MSANTD4: variants seen among roughly 807,000 people sequenced by gnomAD.
MSANTD4 encodes myb/SANT-like DNA-binding domain-containing protein 4.
In MSANTD4, 13 loss-of-function variants were observed where a neutral mutation model predicts 34.3. The observed-to-expected ratio is 0.38, with a 90% CI of 0.25 to 0.60. The LOEUF is 0.60. Ranked by LOEUF, MSANTD4 falls within the 20% of genes least tolerant of loss-of-function variation. MSANTD4 has a pLI of 0.63. For missense variants in MSANTD4, 358 were observed against 401.8 expected, an observed-to-expected ratio of 0.89 and a Z score of 0.93; for synonymous variants, 137 against 145.2, an observed-to-expected ratio of 0.94 and a Z score of 0.41.
At chr11:106,013,811 G>A (rs941699230) in intron 1 of MSANTD4, among the ~76,000 whole-genome samples, 5 of 152,218 alleles carry the variant, frequency 3.3e-5, no homozygotes, top group Non-Finnish European at 7.3e-5. Context: ...GCAGTGAGCC[G>A]AGATTGTGCC....
rs748427473 is a variant in MSANTD4, at chr11:106,009,807, G to A, written c.766C>T (p.Arg256Trp). The A allele has an allele frequency of 6.2e-6, 10 of 1,614,006 alleles. No homozygotes were observed. The highest frequency in any genetic ancestry group is 4.4e-5 in the South Asian group (4 of 91,088). Residue 256 changes from arginine to tryptophan, a missense_variant, in exon 3 of 3, where the codon CGG becomes TGG. Around this residue, in one of 2 missense-constraint regions of MSANTD4, gnomAD observed 312 missense variants for 317.6 expected, o/e 0.98. Coordinates refer to ENST00000301919, the MANE Select transcript of MSANTD4 (RefSeq NM_032424.3). ...EHERLQLEKE[R>W]LQIEREKLRL... ...AACTTTTCTCTTTCAATCTGCAGCCGCTCCTTCTCTAGCTGAAGCCGCTCA... is the reference window on the plus strand; with the variant it reads ...AACTTTTCTCTTTCAATCTGCAGCCACTCCTTCTCTAGCTGAAGCCGCTCA...
At chr11:106,016,640 G>A (rs1255943046) in intron 1 of MSANTD4, among the ~76,000 whole-genome samples, 1 of 152,210 alleles carries the variant, frequency 6.6e-6, no homozygotes, top group African/African-American at 2.4e-5. Flanking sequence ...GAAAACTGAA[G>A]TTTCCATAGG....
At chr11:106,015,733 G>C (rs1229163021) in intron 1 of MSANTD4, among the ~76,000 whole-genome samples, 1 of 151,734 alleles carries the variant, frequency 6.6e-6, no homozygotes, top group Non-Finnish European at 1.5e-5. Flanking sequence ...AGTGGGCAGA[G>C]AGCTGCTTTA....
In MSANTD4 at chr11:106,008,816, A is replaced by G. The variant is rs1859598255; in HGVS notation, c.*719T>C. 6.6e-6 allele frequency: 1 copy of G among 152,174 alleles called. No homozygotes were observed. The highest frequency in any genetic ancestry group is 2.4e-5 in the African/African-American group (1 of 41,436). The allele number at this position is 152,174 out of a possible 1,614,324, so 9.4% of individuals were successfully genotyped here. A position where few individuals can be genotyped will look rare whatever the true frequency, so the allele number is the denominator to read the frequency against. On this transcript the variant is annotated 3_prime_UTR_variant, in exon 3 of 3. Coordinates refer to ENST00000301919, the MANE Select transcript of MSANTD4 (RefSeq NM_032424.3). ...TTTTCAAAGTGACCCATTTTAGAAA[A>G]TTTCTGATGTTCTCTGTATTGTTTT...
chr11:106,013,091 T>C (rs934436896), intron 1 of MSANTD4, among the ~76,000 whole-genome samples: 8 of 152,234 alleles, frequency 5.3e-5, no homozygotes, highest in African/African-American at 1.9e-4. Context: ...AGAATAATAA[T>C]GATTCAACTG....
chr11:106,010,291 G>A (rs1210622595), intron 2 of MSANTD4, among the ~76,000 whole-genome samples, 165 bp downstream of exon 2: 1 of 152,116 alleles, frequency 6.6e-6, no homozygotes, highest in Non-Finnish European at 1.5e-5. Context: ...TTATATTTAG[G>A]TGGGAAGAAA....
Position 106,011,084 on chromosome 11 carries a change from A to G in MSANTD4, c.-150-17T>C. 8.1e-7 allele frequency: 1 copy of G among 1,227,770 alleles called. No homozygotes were observed. Among genetic ancestry groups the G allele is most frequent in the Non-Finnish European group, 1.1e-6 (1 of 921,806 alleles). 76.1% of individuals were successfully genotyped at this position (1,227,770 alleles called of 1,614,324 possible). A position where few individuals can be genotyped will look rare whatever the true frequency, so the allele number is the denominator to read the frequency against. On this transcript the variant is annotated splice_polypyrimidine_tract_variant and intron_variant, in intron 1 of 2. Coordinates refer to ENST00000301919, the MANE Select transcript of MSANTD4 (RefSeq NM_032424.3). ...GGATAATTCCTAAAAGGAAAAAAGT[A>G]CAAGCAATCAATCAATCTGCAACTT...
rs1311356263 is a variant in MSANTD4, at chr11:106,008,832, G to A, written c.*703C>T. 6.6e-6 allele frequency: 1 copy of A among 152,106 alleles called. No individual in the cohort carries two copies. Among genetic ancestry groups the A allele is most frequent in the Non-Finnish European group, 1.5e-5 (1 of 68,000 alleles). The allele number at this position is 152,106 out of a possible 1,614,324, so 9.4% of individuals were successfully genotyped here. A position where few individuals can be genotyped will look rare whatever the true frequency, so the allele number is the denominator to read the frequency against. ...TTTTAGAAAATTTCTGATGTTCTCT[G>A]TATTGTTTTCTGAATCTGAGAAGGC... On this transcript the variant is annotated 3_prime_UTR_variant, in exon 3 of 3. Coordinates refer to ENST00000301919, the MANE Select transcript of MSANTD4 (RefSeq NM_032424.3).
intron 1 of MSANTD4, among the ~76,000 whole-genome samples, chr11:106,020,420 A>G (rs1392585818): frequency 6.6e-6 from 1 of 152,212 alleles, no homozygotes; most frequent in Non-Finnish European, 1.5e-5. Context: ...GGCTACCATT[A>G]ATATGGAAGA....
chr11:106,019,393 T>C (rs1490841684), intron 1 of MSANTD4, among the ~76,000 whole-genome samples: 1 of 152,222 alleles, frequency 6.6e-6, no homozygotes, highest in Non-Finnish European at 1.5e-5. Context: ...TATTTTGAAA[T>C]ATAATCAATA....
chr11:106,010,656 T>C lies in MSANTD4; in HGVS notation c.262A>G (p.Asn88Asp), dbSNP rs1166546493. 1 of 1,614,194 alleles carries C rather than the reference T, an allele frequency of 6.2e-7. No individual in the cohort carries two copies. Among genetic ancestry groups the C allele is most frequent in the Non-Finnish European group, 8.5e-7 (1 of 1,180,028 alleles). ...ALMKRKRMKA[N>D]IKLVGSGFPL... is the part of the protein sequence containing the mutation. ...AATCCTGAACCAACCAGCTTAATGT[T>C]GGCCTTCATCCTCTTTCTCTTCATA... The change falls in exon 2 of 3, where the codon AAC (asparagine) becomes GAC (aspartate). Residue 88 changes from asparagine to aspartate, a missense_variant. Around this residue, in one of 2 missense-constraint regions of MSANTD4, gnomAD observed 312 missense variants for 317.6 expected, o/e 0.98. Transcript: ENST00000301919.
chr11:106,009,696 T>G lies in MSANTD4; in HGVS notation c.877A>C (p.Ile293Leu), dbSNP rs1859626740. The G allele has an allele frequency of 6.2e-7, 1 of 1,614,100 alleles. No individual in the cohort carries two copies. Among genetic ancestry groups the G allele is most frequent in the Non-Finnish European group, 8.5e-7 (1 of 1,180,036 alleles). The change falls in exon 3 of 3, where the codon ATA (isoleucine) becomes CTA (leucine). Residue 293 changes from isoleucine to leucine, a missense_variant. This residue lies in a region of MSANTD4 where 312 missense variants were observed against 317.6 expected (regional missense o/e 0.98). Coordinates refer to ENST00000301919, the MANE Select transcript of MSANTD4 (RefSeq NM_032424.3). Reference protein sequence around the residue: ...GEKSMLQPQDIETEKLKLERE... With the variant: ...GEKSMLQPQDLETEKLKLERE... ...TCAAGTTTTAACTTCTCTGTTTCTA[T>G]GTCCTGTGGTTGAAGCATGGATTTT...
Position 106,009,591 on chromosome 11 carries a change from G to A in MSANTD4, c.982C>T (p.Arg328Cys), listed in dbSNP as rs1302847787. The part of the protein sequence containing the change: ...ESEKLQIEKE[R>C]LQVEKDRLRI... The stretch of plus-strand genomic sequence containing the variant: ...AGTCTGTCTTTCTCTACCTGTAAGC[G>A]TTCCTTTTCAATCTGCAGCTTCTCA... The change falls in exon 3 of 3, where the codon CGC (arginine) becomes TGC (cysteine). Residue 328 changes from arginine to cysteine, a missense_variant. By Grantham distance (180) the Arg-to-Cys change is radical. This residue lies in a region of MSANTD4 where 312 missense variants were observed against 317.6 expected (regional missense o/e 0.98). Coordinates refer to ENST00000301919, the MANE Select transcript of MSANTD4 (RefSeq NM_032424.3). 2.5e-6 allele frequency: 4 copies of A among 1,613,986 alleles called. No individual in the cohort carries two copies. Among genetic ancestry groups the A allele is most frequent in the South Asian group, 2.2e-5 (2 of 91,050 alleles).
At chr11:106,016,023 A>G (rs982717143) in intron 1 of MSANTD4, among the ~76,000 whole-genome samples, 2 of 152,076 alleles carry the variant, frequency 1.3e-5, no homozygotes, top group Admixed American at 6.6e-5. Context: ...ATGTACTACT[A>G]ATTTTTAAAG....
At position 106,009,035 on chromosome 11, in the gene MSANTD4, G is replaced by A. The variant is rs1209211531; in HGVS notation, c.*500C>T. 6.5e-6 allele frequency: 1 copy of A among 153,420 alleles called. No homozygotes were observed. Among genetic ancestry groups the A allele is most frequent in the Non-Finnish European group, 1.4e-5 (1 of 68,976 alleles). The allele number at this position is 153,420 out of a possible 1,614,324, so 9.5% of individuals were successfully genotyped here. On this transcript the variant is annotated 3_prime_UTR_variant, in exon 3 of 3. Coordinates refer to ENST00000301919, the MANE Select transcript of MSANTD4 (RefSeq NM_032424.3). ...TAAAACATAGCTATAGAGGTACACA[G>A]TTAGGCTAGGACAGGGTTTCTCAAC... is the stretch of plus-strand genomic sequence containing the variant.
chr11:106,013,880 A>C (rs760895319), intron 1 of MSANTD4, among the ~76,000 whole-genome samples: 8 of 152,206 alleles, frequency 5.3e-5, no homozygotes, highest in Non-Finnish European at 7.3e-5. Flanking sequence ...ACAACAACAA[A>C]AAAGTGTTGC....
chr11:106,010,726 C>T lies in MSANTD4; in HGVS notation c.192G>A (p.Arg64=). 2 of 1,614,182 alleles carry T rather than the reference C, an allele frequency of 1.2e-6. No individual in the cohort carries two copies. The highest frequency in any genetic ancestry group is 1.6e-4 in the Middle Eastern group (1 of 6,062). ...ACCTTCTTTTCACCTCTGTCCCTGTCCTCTGTTCTCCTTCTCCTACAGCAT... is the reference window on the plus strand; with the variant it reads ...ACCTTCTTTTCACCTCTGTCCCTGTTCTCTGTTCTCCTTCTCCTACAGCAT... ...CVNAVGEGEQ[R]TGTEVKRRYL... The change falls in exon 2 of 3, where the codon AGG becomes AGA. Residue 64 remains arginine, a synonymous_variant. Coordinates refer to ENST00000301919, the MANE Select transcript of MSANTD4 (RefSeq NM_032424.3).
At position 106,010,810 on chromosome 11, in the gene MSANTD4, G is replaced by A. The variant is rs937154026; in HGVS notation, c.108C>T (p.Leu36=). Residue 36 remains leucine (L), a synonymous_variant, in exon 2 of 3, where the codon CTC becomes CTT. Coordinates refer to ENST00000301919, the MANE Select transcript of MSANTD4 (RefSeq NM_032424.3). ...GCTTCATCACATTAATTGTTGTATT[G>A]AGCTGCTTGGAAAAAATGACTTCTT... The part of the protein sequence containing the change: ...KRKEVIFSKQ[L]NTTINVMKRM... 6 of 1,613,988 alleles carry A rather than the reference G, an allele frequency of 3.7e-6. No homozygotes were observed. In the African/African-American group the frequency reaches 8.0e-5, roughly 22 times the overall value.
At chr11:106,011,152 G>C in intron 1 of MSANTD4, 85 bp from the exon 2 acceptor site, 4 of 611,970 alleles carry the variant, frequency 6.5e-6, no homozygotes. Flanking sequence ...ATTTTTAAGA[G>C]AAACAAAAAA....
Sources: allele counts gnomAD v4.1 joint callset (sites outside exome capture counted in the v4.1 genomes callset), GRCh38; gene constraint gnomAD v4.1.1; regional missense constraint gnomAD v4.1.1; transcripts MANE v1.5; gene names NCBI Gene and HGNC (gene_info 2026-07-23, HGNC 2026-07-21).